The following GOLGA6L9 variants were observed in gnomAD, a reference collection of about 807,000 sequenced individuals.
GOLGA6L9 encodes the protein golgin A6 family like 9.
A neutral mutation model predicts 51.3 loss-of-function variants in GOLGA6L9; 19 were observed. The ratio of observed to expected loss-of-function variants is 0.37; its 90% CI spans 0.26 to 0.54. The LOEUF is 0.54. Ranked by LOEUF, GOLGA6L9 falls within the 20% of genes least tolerant of loss-of-function variation. The pLI is 0.83. For synonymous variants in GOLGA6L9, 97 were observed against 184.2 expected, an observed-to-expected ratio of 0.53 and a Z score of 3.83; for missense variants, 247 against 464.1, an observed-to-expected ratio of 0.53 and a Z score of 4.30.
rs1360200339 is a variant in GOLGA6L9 at position 82,429,891 on chromosome 15, G to C, written c.-189G>C. 175 of 772,104 alleles carry C rather than the reference G, an allele frequency of 2.3e-4. No individual in the cohort carries two copies. Among genetic ancestry groups the C allele is most frequent in the Non-Finnish European group, 3.6e-4 (155 of 434,772 alleles). 47.8% of individuals were successfully genotyped at this position (772,104 alleles called of 1,614,324 possible). ...TCCTTATGATGCTACAGGTCCCTCT[G>C]GACATGCTGCGCCTGGCCACGCCTC... On this transcript the variant is annotated 5_prime_UTR_variant, in exon 1 of 9. Transcript: ENST00000618348.
In GOLGA6L9 at chr15:82,433,067, C is replaced by G. The variant is rs1259932398; in HGVS notation, c.345+170C>G. On this transcript the variant is annotated intron_variant, in intron 4 of 8. Coordinates refer to ENST00000618348, the MANE Select transcript of GOLGA6L9 (RefSeq NM_198181.4). Reference sequence around the variant, plus strand: ...CCAGAGCACAGAACATGCAGCATGGCTCTTCTGCACTGCCCTCTTTGCTGA... The same window carrying G: ...CCAGAGCACAGAACATGCAGCATGGGTCTTCTGCACTGCCCTCTTTGCTGA... Among the ~76,000 whole-genome samples, 719 of 151,310 alleles carry G rather than the reference C, an allele frequency of 4.8e-3. 2 individuals are homozygous for G. Among genetic ancestry groups the G allele is most frequent in the African/African-American group, 9.9e-3 (407 of 41,054 alleles).
intron 2 of GOLGA6L9, 113 bp from the exon 3 acceptor site, chr15:82,432,459 C>T: frequency 1.4e-6 from 2 of 1,394,982 alleles, no homozygotes; most frequent in Non-Finnish European, 1.9e-6. Flanking sequence ...AAAAAGGTTC[C>T]AAGATAGGCA....
chr15:82,433,335 A>G (rs1340196233), intron 4 of GOLGA6L9, among the ~76,000 whole-genome samples: 2 of 151,970 alleles, frequency 1.3e-5, no homozygotes, highest in Non-Finnish European at 2.9e-5. Context: ...AAAGGCCCCT[A>G]GAATGGAAAG....
At chr15:82,433,329 G>A (rs1214862281) in intron 4 of GOLGA6L9, among the ~76,000 whole-genome samples, 4 of 151,892 alleles carry the variant, frequency 2.6e-5, no homozygotes, top group Non-Finnish European at 5.9e-5. Flanking sequence ...AGATTTAAAG[G>A]CCCCTAGAAT....
chr15:82,420,370 A>G, the GOLGA6L9 span, among the ~76,000 whole-genome samples: 3 of 151,770 alleles, frequency 2.0e-5, no homozygotes, highest in African/African-American at 7.3e-5. Flanking sequence ...AGTAAAAGTT[A>G]TATGTACTTT....
chr15:82,417,687 C>T, the GOLGA6L9 span, among the ~76,000 whole-genome samples: 3 of 152,182 alleles, frequency 2.0e-5, no homozygotes, highest in East Asian at 5.8e-4. Context: ...CAATGTCTGC[C>T]ATATACTTCC....
At chr15:82,415,992 C>G in the GOLGA6L9 span, 1 of 152,092 alleles carries the variant, frequency 6.6e-6, no homozygotes, top group South Asian at 2.1e-4. Flanking sequence ...TAAACTCCAT[C>G]TGAACAAAAA....
chr15:82,435,435 G>A (rs1157118053), intron 7 of GOLGA6L9: 131 of 243,066 alleles, frequency 5.4e-4, no homozygotes, highest in African/African-American at 3.3e-3. Context: ...GAGCCCGGGA[G>A]ATGAAGGTTG....
Position 82,437,843 on chromosome 15 carries a change from G to A in GOLGA6L9, c.*1432G>A, listed in dbSNP as rs1318409496. 2 of 151,246 alleles carry A rather than the reference G, an allele frequency of 1.3e-5. No homozygotes were observed. The highest frequency in any genetic ancestry group is 2.9e-5 in the Non-Finnish European group (2 of 67,814). 9.4% of individuals were successfully genotyped at this position (151,246 alleles called of 1,614,324 possible). ...TTCGTGAATGTCAAAGTGTCATGAG[G>A]AAAGTGTCTATACAATCACAGAGTT... On this transcript the variant is annotated 3_prime_UTR_variant, in exon 9 of 9. Transcript: ENST00000618348.
chr15:82,420,447 T>G, the GOLGA6L9 span, among the ~76,000 whole-genome samples: 2 of 152,100 alleles, frequency 1.3e-5, no homozygotes, highest in African/African-American at 4.8e-5. Context: ...TGCTAGGCAC[T>G]AGTCTTTTTA....
rs1472978506 is a variant in GOLGA6L9, at chr15:82,431,883, G to C, written c.138G>C (p.Arg46Ser). ...KSPGIPAGAN[R>S]KKKINGSSPD... ...CTGGCATTCCAGCAGGAGCTAACAGGAAAAAGAAAATCAATGGCAGTAGCC... is the reference window on the plus strand; with the variant it reads ...CTGGCATTCCAGCAGGAGCTAACAGCAAAAAGAAAATCAATGGCAGTAGCC... Residue 46 changes from arginine to serine, a missense_variant, in exon 2 of 9, where the codon AGG (arginine) becomes AGC (serine). Arg to Ser is a moderately radical substitution (Grantham distance 110). Coordinates refer to ENST00000618348, the MANE Select transcript of GOLGA6L9 (RefSeq NM_198181.4). The C allele has an allele frequency of 6.9e-7, 1 of 1,442,632 alleles. No homozygotes were observed. The highest frequency in any genetic ancestry group is 9.2e-7 in the Non-Finnish European group (1 of 1,091,590). The allele number at this position is 1,442,632 out of a possible 1,614,324, so 89.4% of individuals were successfully genotyped here.
At position 82,438,234 on chromosome 15, in the gene GOLGA6L9, A is replaced by G. The variant is rs1370400974; in HGVS notation, c.*1823A>G. 6.7e-6 allele frequency: 1 copy of G among 148,212 alleles called. No homozygotes were observed. The highest frequency in any genetic ancestry group is 1.5e-5 in the Non-Finnish European group (1 of 66,888). The allele number at this position is 148,212 out of a possible 1,614,324, so 9.2% of individuals were successfully genotyped here. A position where few individuals can be genotyped will look rare whatever the true frequency, so the allele number is the denominator to read the frequency against. ...GTATAAATGACTAGGAATGACCTTC[A>G]GATAGCATTTAGCAACTGTAACCAA... On this transcript the variant is annotated 3_prime_UTR_variant, in exon 9 of 9. Transcript: ENST00000618348.
chr15:82,438,286 C>T lies in GOLGA6L9; in HGVS notation c.*1875C>T, dbSNP rs2150834053. Reference sequence around the variant, plus strand: ...CTGACAATAATGTGTTCATCAGGTACCTGTGGATTAAATCACATACTGGCA... The same window carrying T: ...CTGACAATAATGTGTTCATCAGGTATCTGTGGATTAAATCACATACTGGCA... On this transcript the variant is annotated 3_prime_UTR_variant, in exon 9 of 9. Transcript: ENST00000618348. The T allele has an allele frequency of 6.7e-6, 1 of 149,784 alleles. No homozygotes were observed. Among genetic ancestry groups the T allele is most frequent in the East Asian group, 1.9e-4 (1 of 5,148 alleles). 9.3% of individuals were successfully genotyped at this position (149,784 alleles called of 1,614,324 possible). A position where few individuals can be genotyped will look rare whatever the true frequency, so the allele number is the denominator to read the frequency against.
chr15:82,433,573 TA>T lies in GOLGA6L9; in HGVS notation c.359del (p.Lys120ArgfsTer50). The T allele has an allele frequency of 1.1e-6, 1 of 950,404 alleles. No individual in the cohort carries two copies. The highest frequency in any genetic ancestry group is 1.5e-6 in the Non-Finnish European group (1 of 671,100). 58.9% of individuals were successfully genotyped at this position (950,404 alleles called of 1,614,324 possible). ...ENINSLVRTS[K>X]EEKKHEIHLV... ...TTTGCTTTGGGCAGGTTCGCACATCTAAGGAGGAGAAGAAGCATGAGATACA... is the reference window on the plus strand; with the variant it reads ...TTTGCTTTGGGCAGGTTCGCACATCTAGGAGGAGAAGAAGCATGAGATACA... On this transcript the variant is annotated frameshift_variant, in exon 5 of 9. Coordinates refer to ENST00000618348, the MANE Select transcript of GOLGA6L9 (RefSeq NM_198181.4). LOFTEE classifies it high-confidence loss of function.
chr15:82,429,785 G>C (rs1201962905), upstream of GOLGA6L9, among the ~76,000 whole-genome samples: 2 of 152,078 alleles, frequency 1.3e-5, no homozygotes, highest in African/African-American at 2.4e-5. Context: ...TAAAGCAAAA[G>C]CCAGCCCCTC....
At position 82,438,387 on chromosome 15, in the gene GOLGA6L9, G is replaced by C. The variant is rs1358674729; in HGVS notation, c.*1976G>C. On this transcript the variant is annotated 3_prime_UTR_variant, in exon 9 of 9. Coordinates refer to ENST00000618348, the MANE Select transcript of GOLGA6L9 (RefSeq NM_198181.4). ...ATACCACTCTCTGTGTAGGTATTTT[G>C]TCATATGTTTAAGAAAAAGCTAAAG... 2 of 151,364 alleles carry C rather than the reference G, an allele frequency of 1.3e-5. No homozygotes were observed. Among genetic ancestry groups the C allele is most frequent in the Non-Finnish European group, 3.0e-5 (2 of 67,776 alleles). 9.4% of individuals were successfully genotyped at this position (151,364 alleles called of 1,614,324 possible).
At position 82,438,107 on chromosome 15, in the gene GOLGA6L9, G is replaced by C. The variant is rs1474139282; in HGVS notation, c.*1696G>C. On this transcript the variant is annotated 3_prime_UTR_variant, in exon 9 of 9. Coordinates refer to ENST00000618348, the MANE Select transcript of GOLGA6L9 (RefSeq NM_198181.4). ...CACTGTTAATTAGCCACATTATTTG[G>C]TCTAACAGTTTATCATTCTGAAACT... 2.2e-5 allele frequency: 3 copies of C among 136,720 alleles called. No individual in the cohort carries two copies. Among genetic ancestry groups the C allele is most frequent in the South Asian group, 2.6e-4 (1 of 3,866 alleles). The allele number at this position is 136,720 out of a possible 1,614,324, so 8.5% of individuals were successfully genotyped here.
chr15:82,429,752 ATTT>A, upstream of GOLGA6L9, among the ~76,000 whole-genome samples: 1 of 152,290 alleles, frequency 6.6e-6, no homozygotes, highest in South Asian at 2.1e-4. Context: ...TTTAAAGTTT[ATTT>A]TTAACAGTTT....
intron 5 of GOLGA6L9, 133 bp from the exon 6 acceptor site, chr15:82,433,900 TC>T (rs1166404594): frequency 8.1e-7 from 1 of 1,242,008 alleles, no homozygotes; most frequent in Non-Finnish European, 1.1e-6. Flanking sequence ...TTGTCTACCA[TC>T]CGGGTGTGAG....
Sources: gnomAD v4.1 joint callset for allele counts (sites outside exome capture counted in the v4.1 genomes callset) on GRCh38, gnomAD v4.1.1 for gene constraint, MANE v1.5 for transcripts, NCBI Gene and HGNC (gene_info 2026-07-23, HGNC 2026-07-21) for gene names.